Variants in ADGB observed in about 807,000 individuals in gnomAD.
ADGB encodes the protein calpain-7-like protein.
In ADGB, 172 loss-of-function variants were observed where a neutral mutation model predicts 210.5. The observed-to-expected ratio is 0.82, with a 90% CI of 0.72 to 0.93. ADGB has a LOEUF of 0.93. Among genes scored for constraint, ADGB ranks in the 40% least tolerant of loss-of-function variants. The probability of loss-of-function intolerance (pLI) is 0.00; values close to 1 mark genes in which losing one functional copy is unlikely to be tolerated. For synonymous variants in ADGB, 658 were observed against 662.7 expected (o/e 0.99, Z 0.11); for missense variants, 2,025 against 1,964.8 (o/e 1.03, Z -0.58).
At chr6:146,729,525 C>T (rs1308030604) in intron 20 of ADGB, among the ~76,000 whole-genome samples, 2 of 152,000 alleles carry the variant, frequency 1.3e-5, no homozygotes, top group Non-Finnish European at 2.9e-5. Flanking sequence ...AGCCTGAACT[C>T]CTGGGCTCAA....
intron 25 of ADGB, 72 bp from the exon 26 acceptor site, chr6:146,745,850 C>A: frequency 1.7e-6 from 2 of 1,188,410 alleles, no homozygotes; most frequent in Non-Finnish European, 2.3e-6. Flanking sequence ...ACATTTAGCA[C>A]TATTAGATAT....
chr6:146,647,780 C>T (rs752097834), intron 3 of ADGB, among the ~76,000 whole-genome samples: 5 of 151,938 alleles, frequency 3.3e-5, no homozygotes, highest in Non-Finnish European at 7.4e-5. Flanking sequence ...AGCAGCAAAA[C>T]ACAACAAAGT....
intron 13 of ADGB, among the ~76,000 whole-genome samples, chr6:146,710,757 T>C (rs537030681): frequency 6.6e-6 from 1 of 152,264 alleles, no homozygotes; most frequent in South Asian, 2.1e-4. Context: ...ATCCAGAAGA[T>C]AATCATAAAA....
intron 30 of ADGB, among the ~76,000 whole-genome samples, chr6:146,784,048 TCA>T (rs1777838046): frequency 6.6e-6 from 1 of 152,230 alleles, no homozygotes; most frequent in Non-Finnish European, 1.5e-5. Context: ...AATGCACAAA[TCA>T]CAGTTATAAC....
At chr6:146,793,432 T>C (rs1352092418) in intron 33 of ADGB, among the ~76,000 whole-genome samples, 2 of 152,130 alleles carry the variant, frequency 1.3e-5, no homozygotes, top group Non-Finnish European at 2.9e-5. Flanking sequence ...TACTTCCTGC[T>C]GGATGGGGGC....
intron 28 of ADGB, among the ~76,000 whole-genome samples, chr6:146,766,405 C>T (rs894940211): frequency 1.0e-4 from 15 of 149,176 alleles, no homozygotes; most frequent in Non-Finnish European, 1.5e-5. Flanking sequence ...CCAGGCTGGG[C>T]GACAGAGCGA....
chr6:146,620,665 C>T (rs903874978), intron 1 of ADGB, among the ~76,000 whole-genome samples: 5 of 151,678 alleles, frequency 3.3e-5, no homozygotes, highest in African/African-American at 4.8e-5. Flanking sequence ...ATTTCTTTGT[C>T]GTATTTCTCA....
At chr6:146,762,338 A>T (rs1031268795) in intron 27 of ADGB, among the ~76,000 whole-genome samples, 1 of 152,132 alleles carries the variant, frequency 6.6e-6, no homozygotes, top group Non-Finnish European at 1.5e-5. Flanking sequence ...TTTATTTCAG[A>T]TATAGTCAGA....
At position 146,746,081 on chromosome 6, in the gene ADGB, A is replaced by G. The variant is rs1777231478; in HGVS notation, c.3337A>G (p.Ile1113Val). 2 of 1,544,754 alleles carry G rather than the reference A, an allele frequency of 1.3e-6. No individual in the cohort carries two copies. Among genetic ancestry groups the G allele is most frequent in the Non-Finnish European group, 8.7e-7 (1 of 1,143,466 alleles). Reference sequence around the variant, plus strand: ...CATAAAGGAAATCCGAGATTACTACATACCCAATGATAAGAAAATTTTATT... The same window carrying G: ...CATAAAGGAAATCCGAGATTACTACGTACCCAATGATAAGAAAATTTTATT... The part of the protein sequence containing the change: ...FAIKEIRDYY[I>V]PNDKKILFRY... The change falls in exon 26 of 36, where the codon ATA (isoleucine) becomes GTA (valine). Residue 1113 changes from isoleucine (I) to valine (V), a missense_variant. By Grantham distance (29) the Ile-to-Val change is conservative. Transcript: ENST00000397944.
chr6:146,610,084 A>G (rs934073417), intron 1 of ADGB, among the ~76,000 whole-genome samples: 1 of 152,156 alleles, frequency 6.6e-6, no homozygotes. Context: ...TTTCATGGAC[A>G]ATGTCCTCAA....
intron 35 of ADGB, chr6:146,807,643 A>T: frequency 7.4e-7 from 1 of 1,357,056 alleles, no homozygotes; most frequent in Non-Finnish European, 9.9e-7. Flanking sequence ...ATTTGTAATG[A>T]TCTTTAACTG....
chr6:146,716,033 A>C (rs1276012381), intron 14 of ADGB, among the ~76,000 whole-genome samples: 4 of 138,962 alleles, frequency 2.9e-5, no homozygotes, highest in Non-Finnish European at 4.5e-5. Flanking sequence ...GTGCCACTGC[A>C]CTCCAGCCTG....
chr6:146,673,303 C>T (rs1776041266), intron 8 of ADGB, among the ~76,000 whole-genome samples: 2 of 152,120 alleles, frequency 1.3e-5, no homozygotes, highest in African/African-American at 4.8e-5. Flanking sequence ...TAGGCTGTAT[C>T]TTCAGCTATA....
chr6:146,652,079 G>A (rs1775711259), intron 3 of ADGB, among the ~76,000 whole-genome samples: 1 of 152,114 alleles, frequency 6.6e-6, no homozygotes, highest in Admixed American at 6.6e-5. Context: ...GAATAGATTA[G>A]GATGTCTGAA....
At chr6:146,626,554 C>T (rs1780974635) in intron 1 of ADGB, among the ~76,000 whole-genome samples, 1 of 151,862 alleles carries the variant, frequency 6.6e-6, no homozygotes, top group African/African-American at 2.4e-5. Context: ...TTCAGTATGA[C>T]ATATTTCTTC....
intron 13 of ADGB, among the ~76,000 whole-genome samples, chr6:146,714,442 G>C (rs1159076288): frequency 6.6e-6 from 1 of 152,134 alleles, no homozygotes; most frequent in Non-Finnish European, 1.5e-5. Flanking sequence ...GAAAGTCTCA[G>C]CACTTAGCTT....
chr6:146,681,825 C>T (rs1776162491), intron 9 of ADGB, among the ~76,000 whole-genome samples: 1 of 152,084 alleles, frequency 6.6e-6, no homozygotes, highest in African/African-American at 2.4e-5. Flanking sequence ...TCATTATCCT[C>T]TTTAGATATT....
intron 27 of ADGB, among the ~76,000 whole-genome samples, chr6:146,758,947 GGGTGTT>G (rs1368902698): frequency 4.6e-5 from 7 of 151,878 alleles, no homozygotes; most frequent in Non-Finnish European, 8.8e-5. Context: ...ACTTCAAACA[GGGTGTT>G]GTTTTTAAAT....
intron 24 of ADGB, 51 bp downstream of exon 24, chr6:146,740,644 T>C: frequency 1.3e-6 from 2 of 1,511,210 alleles, no homozygotes; most frequent in East Asian, 5.0e-5. Context: ...TTGCAATATC[T>C]GTATTTATGA....
Sources: gnomAD v4.1 joint callset for allele counts (sites outside exome capture counted in the v4.1 genomes callset) on GRCh38, gnomAD v4.1.1 for gene constraint, MANE v1.5 for transcripts, NCBI Gene and HGNC (gene_info 2026-07-23, HGNC 2026-07-21) for gene names.